Variants in RERE observed in about 807,000 individuals in gnomAD.
RERE encodes arginine-glutamic acid dipeptide repeats protein.
RERE carries 40 observed loss-of-function variants against 146.1 expected under a neutral mutation model. The ratio of observed to expected loss-of-function variants is 0.27; its 90% confidence interval spans 0.21 to 0.36. The LOEUF is 0.36. RERE is among the 10% of genes least tolerant of loss of function. RERE has a pLI of 1.00. For missense variants in RERE, 1,933 were observed against 2,138.7 expected, an observed-to-expected ratio of 0.90 and a Z score of 1.90; for synonymous variants, 1,003 against 866.0, an observed-to-expected ratio of 1.16 and a Z score of -2.78.
At chr1:8,786,643 T>C (rs922554457) in intron 1 of RERE, 6 of 771,536 alleles carry the variant, frequency 7.8e-6, no homozygotes, top group African/African-American at 5.1e-5. Flanking sequence ...GCTCACACCA[T>C]TGGCACCTCT....
intron 7 of RERE, among the ~76,000 whole-genome samples, chr1:8,531,007 T>TTCTATCTATCTATCTA (rs199738689): frequency 1.4e-4 from 20 of 140,238 alleles, no homozygotes; most frequent in South Asian, 7.2e-4. Flanking sequence ...GAACTGAGTT[T>TTCTATCTATCTATCTA]TCTATCTATC....
At position 8,708,917 on chromosome 1, in the gene RERE, T is replaced by G. The variant is rs1020095210; in HGVS notation, c.-144-52476A>C. On this transcript the variant is annotated intron_variant, in intron 1 of 22. Transcript: ENST00000400908. ...CAAAAACTCTGGAGTTTTTTTTTTT[T>G]TTTTTTTTTTTTTGAGACAGAGTCT... Among the ~76,000 whole-genome samples, 4 of 135,740 alleles carry G rather than the reference T, an allele frequency of 2.9e-5. No homozygotes were observed. The East Asian group carries it at 6.1e-4, about 21-fold the overall frequency. The allele number at this position is 135,740 out of a possible 152,430, so 89.1% of individuals were successfully genotyped here. A position where few individuals can be genotyped will look rare whatever the true frequency, so the allele number is the denominator to read the frequency against.
chr1:8,605,845 C>T (rs1326730364), intron 4 of RERE, among the ~76,000 whole-genome samples: 12 of 93,214 alleles, frequency 1.3e-4, no homozygotes, highest in Admixed American at 4.9e-4. Context: ...AAATACCAAA[C>T]TTTTTTTTTT....
intron 1 of RERE, among the ~76,000 whole-genome samples, chr1:8,727,391 C>T (rs1300708880): frequency 6.6e-6 from 1 of 152,226 alleles, no homozygotes; most frequent in African/African-American, 2.4e-5. Context: ...ATCCGCCCGC[C>T]TCAGCCTCTT....
At chr1:8,441,127 GC>G (rs1557633713) in intron 11 of RERE, among the ~76,000 whole-genome samples, 1 of 151,932 alleles carries the variant, frequency 6.6e-6, no homozygotes, top group Non-Finnish European at 1.5e-5. Flanking sequence ...CCGGTTTCCT[GC>G]CCCAAGCTCC....
chr1:8,499,456 AG>A (rs1645099413), intron 8 of RERE, among the ~76,000 whole-genome samples: 2 of 152,160 alleles, frequency 1.3e-5, no homozygotes, highest in African/African-American at 4.8e-5. Flanking sequence ...GGGGAAATGG[AG>A]ATAGAACCGC....
chr1:8,495,927 C>A (rs1645038760), intron 9 of RERE, among the ~76,000 whole-genome samples: 2 of 152,216 alleles, frequency 1.3e-5, no homozygotes, highest in Admixed American at 1.3e-4. Flanking sequence ...GTAATCCCAG[C>A]ACTCTGGGAG....
chr1:8,540,504 GT>G (rs1313581397), intron 7 of RERE, among the ~76,000 whole-genome samples: 1 of 152,148 alleles, frequency 6.6e-6, no homozygotes, highest in East Asian at 1.9e-4. Flanking sequence ...CTAACATCCT[GT>G]TTTTAAAATC....
intron 1 of RERE, among the ~76,000 whole-genome samples, chr1:8,730,341 T>C (rs893126957): frequency 1.3e-5 from 2 of 152,102 alleles, no homozygotes; most frequent in African/African-American, 4.8e-5. Flanking sequence ...GGGGTTTTTT[T>C]TGTTTTTGTT....
intron 10 of RERE, among the ~76,000 whole-genome samples, chr1:8,479,964 A>G (rs2124176114): frequency 6.6e-6 from 1 of 152,270 alleles, no homozygotes; most frequent in East Asian, 1.9e-4. Context: ...AGTATGCTGT[A>G]GAATACATGA....
chr1:8,421,986 A>G (rs1272961145), intron 12 of RERE, among the ~76,000 whole-genome samples: 1 of 152,122 alleles, frequency 6.6e-6, no homozygotes, highest in East Asian at 1.9e-4. Flanking sequence ...CCTCTACACC[A>G]CCAGGGAAGG....
chr1:8,392,481 C>T (rs1321397409), intron 12 of RERE, among the ~76,000 whole-genome samples: 1 of 152,178 alleles, frequency 6.6e-6, no homozygotes, highest in Admixed American at 6.5e-5. Flanking sequence ...TTTCCTCTCC[C>T]CTGGGTCTCA....
intron 1 of RERE, among the ~76,000 whole-genome samples, chr1:8,781,415 C>A (rs1239698203): frequency 6.6e-6 from 1 of 151,624 alleles, no homozygotes; most frequent in African/African-American, 2.4e-5. Flanking sequence ...ACGCCTGTGT[C>A]CCAGAGGCTG....
chr1:8,402,483 G>C (rs920680728), intron 12 of RERE, among the ~76,000 whole-genome samples: 2 of 152,198 alleles, frequency 1.3e-5, no homozygotes, highest in African/African-American at 4.8e-5. Flanking sequence ...AGAACAAAAA[G>C]GTTGGATGGG....
At chr1:8,416,459 G>C (rs1005808907) in intron 12 of RERE, among the ~76,000 whole-genome samples, 1 of 151,686 alleles carries the variant, frequency 6.6e-6, no homozygotes, top group South Asian at 2.1e-4. Flanking sequence ...GGTGGCGGGC[G>C]CCTGTAGTCC....
At chr1:8,583,348 C>T (rs568386216) in intron 4 of RERE, among the ~76,000 whole-genome samples, 1 of 152,334 alleles carries the variant, frequency 6.6e-6, no homozygotes, top group African/African-American at 2.4e-5. Context: ...AAACTACCAT[C>T]AGCCATAAGA....
At chr1:8,609,072 G>A (rs1417899078) in intron 4 of RERE, among the ~76,000 whole-genome samples, 1 of 152,088 alleles carries the variant, frequency 6.6e-6, no homozygotes, top group African/African-American at 2.4e-5. Flanking sequence ...ACAAAAATTA[G>A]CCAGGTGTGG....
chr1:8,363,943 G>C (rs753603458), intron 15 of RERE, 113 bp downstream of exon 15: 1 of 968,926 alleles, frequency 1.0e-6, no homozygotes, highest in Non-Finnish European at 1.6e-6. Flanking sequence ...TCCCCTCCAG[G>C]ACTTTGTCTG....
chr1:8,406,110 T>A (rs1330933186), intron 12 of RERE, among the ~76,000 whole-genome samples: 5 of 151,992 alleles, frequency 3.3e-5, no homozygotes, highest in Non-Finnish European at 1.5e-5. Context: ...AATATTTTTT[T>A]AAATCGAGAC....
Sources: allele counts gnomAD v4.1 joint callset (sites outside exome capture counted in the v4.1 genomes callset), GRCh38; gene constraint gnomAD v4.1.1; transcripts MANE v1.5; gene names NCBI Gene and HGNC (gene_info 2026-07-23, HGNC 2026-07-21).